VWC2L: variants seen among roughly 807,000 people sequenced by gnomAD.
VWC2L encodes the protein von Willebrand factor C domain-containing protein 2-like.
Under a neutral mutation model 21.6 loss-of-function variants are expected in VWC2L, and 10 were observed. The observed-to-expected ratio is 0.46, with a 90% CI of 0.29 to 0.78. VWC2L has a LOEUF of 0.78. Among genes scored for constraint, VWC2L ranks in the 30% least tolerant of loss-of-function variants. The pLI is 0.10. For synonymous variants in VWC2L, 96 were observed against 94.3 expected (o/e 1.02, Z -0.10); for missense variants, 209 against 277.1 (o/e 0.75, Z 1.74).
intron 3 of VWC2L, among the ~76,000 whole-genome samples, chr2:214,495,578 C>G (rs1352773047): frequency 1.3e-5 from 2 of 152,140 alleles, no homozygotes; most frequent in African/African-American, 4.8e-5. Flanking sequence ...TGACATCTTT[C>G]AGCAGATCCC....
chr2:214,575,112 G>T (rs1432036261), intron 3 of VWC2L, among the ~76,000 whole-genome samples: 1 of 149,010 alleles, frequency 6.7e-6, no homozygotes, highest in Non-Finnish European at 1.5e-5. Flanking sequence ...CTCTAACAAA[G>T]CTTGTTCAGG....
intron 3 of VWC2L, among the ~76,000 whole-genome samples, chr2:214,525,998 A>G (rs1256623637): frequency 6.6e-6 from 1 of 151,978 alleles, no homozygotes; most frequent in Admixed American, 6.6e-5. Flanking sequence ...ATATGTATAT[A>G]TGTTCTCAGC....
chr2:214,485,150 C>G (rs1688658078), intron 3 of VWC2L, among the ~76,000 whole-genome samples: 1 of 151,976 alleles, frequency 6.6e-6, no homozygotes, highest in Non-Finnish European at 1.5e-5. Context: ...AACCCCATCT[C>G]TACTAAAAAT....
chr2:214,459,607 A>C (rs747787127), intron 3 of VWC2L, among the ~76,000 whole-genome samples: 2 of 152,134 alleles, frequency 1.3e-5, no homozygotes, highest in Non-Finnish European at 2.9e-5. Flanking sequence ...TTTCACTACC[A>C]GGTGTAGGAC....
chr2:214,427,022 G>A (rs1702534543), intron 2 of VWC2L, among the ~76,000 whole-genome samples: 1 of 152,164 alleles, frequency 6.6e-6, no homozygotes, highest in Non-Finnish European at 1.5e-5. Context: ...TGAATGCAGT[G>A]AGGATTGGCC....
At chr2:214,541,853 T>A (rs570275259) in intron 3 of VWC2L, among the ~76,000 whole-genome samples, 2 of 152,222 alleles carry the variant, frequency 1.3e-5, no homozygotes, top group African/African-American at 4.8e-5. Flanking sequence ...CTAAAACATA[T>A]ATTCTAGGTG....
intron 3 of VWC2L, among the ~76,000 whole-genome samples, chr2:214,527,842 G>C (rs954867785): frequency 6.6e-6 from 1 of 152,028 alleles, no homozygotes; most frequent in African/African-American, 2.4e-5. Context: ...TGTATCCATG[G>C]CATAAATGAA....
chr2:214,482,477 G>A (rs1334519534), intron 3 of VWC2L, among the ~76,000 whole-genome samples: 4 of 150,324 alleles, frequency 2.7e-5, no homozygotes, highest in Non-Finnish European at 5.9e-5. Flanking sequence ...ACATATATAC[G>A]TGTATGTATG....
chr2:214,505,960 G>A (rs145918134), intron 3 of VWC2L, among the ~76,000 whole-genome samples: 16 of 152,194 alleles, frequency 1.1e-4, no homozygotes, highest in Admixed American at 5.9e-4. Flanking sequence ...AGGGGTAGCC[G>A]GGAGTGCTGG....
chr2:214,513,683 T>C (rs968285053), intron 3 of VWC2L, among the ~76,000 whole-genome samples: 1 of 152,112 alleles, frequency 6.6e-6, no homozygotes, highest in Non-Finnish European at 1.5e-5. Context: ...CAAAGCTTGC[T>C]ACAGATGGTT....
In VWC2L at chr2:214,519,430, A is replaced by T. The variant is rs1172496930; in HGVS notation, c.521-56242A>T. 1.3e-5 allele frequency among the ~76,000 whole-genome samples: 2 copies of T among 152,232 alleles called. 1 individual carries two copies. Among genetic ancestry groups the T allele is most frequent in the African/African-American group, 4.8e-5 (2 of 41,454 alleles). The stretch of plus-strand genomic sequence containing the variant: ...TGTCAATATAACGTAAATTGCAAAG[A>T]CAATAGGAACAAAGATAGTAGGTAC... On this transcript the variant is annotated intron_variant, in intron 3 of 3. Transcript: ENST00000312504.
At chr2:214,545,327 CTT>C (rs1053567933) in intron 3 of VWC2L, among the ~76,000 whole-genome samples, 21 of 152,302 alleles carry the variant, frequency 1.4e-4, no homozygotes, top group African/African-American at 4.8e-4. Flanking sequence ...TTTAAGTACT[CTT>C]TGCCAACACA....
intron 3 of VWC2L, among the ~76,000 whole-genome samples, chr2:214,550,784 C>A (rs1475969189): frequency 6.6e-6 from 1 of 152,184 alleles, no homozygotes; most frequent in Non-Finnish European, 1.5e-5. Context: ...TCATTTTGTT[C>A]AGTCCTTTAC....
At chr2:214,413,554 C>A (rs953709487) in intron 1 of VWC2L, among the ~76,000 whole-genome samples, 1 of 152,064 alleles carries the variant, frequency 6.6e-6, no homozygotes, top group African/African-American at 2.4e-5. Flanking sequence ...CTGATGTTGA[C>A]GCCATTGTTG....
At chr2:214,502,724 T>C (rs1289443133) in intron 3 of VWC2L, among the ~76,000 whole-genome samples, 1 of 152,246 alleles carries the variant, frequency 6.6e-6, no homozygotes, top group Non-Finnish European at 1.5e-5. Flanking sequence ...CTATTTTGTG[T>C]AACACCAGGT....
intron 3 of VWC2L, among the ~76,000 whole-genome samples, chr2:214,487,790 C>T (rs1369561301): frequency 6.6e-6 from 1 of 152,110 alleles, no homozygotes; most frequent in Non-Finnish European, 1.5e-5. Flanking sequence ...TTCACAGTAC[C>T]TTGTAGGTCA....
intron 3 of VWC2L, among the ~76,000 whole-genome samples, chr2:214,547,365 T>C (rs1200086838): frequency 6.6e-6 from 1 of 152,096 alleles, no homozygotes; most frequent in Admixed American, 6.6e-5. Flanking sequence ...AACATCTAGA[T>C]CTAGATTCCT....
chr2:214,438,338 A>G (rs1702712868), intron 3 of VWC2L, among the ~76,000 whole-genome samples: 1 of 151,996 alleles, frequency 6.6e-6, no homozygotes, highest in African/African-American at 2.4e-5. Flanking sequence ...AAACTCAACT[A>G]CCTAATCAAT....
Position 214,480,541 on chromosome 2 carries a change from T to C in VWC2L, c.520+43783T>C, listed in dbSNP as rs73989014. On this transcript the variant is annotated intron_variant, in intron 3 of 3. Coordinates refer to ENST00000312504, the MANE Select transcript of VWC2L (RefSeq NM_001080500.4). ...TTTAGAAATATCTATCTCTTGCACA[T>C]TCAAGAAATCTAGAATAAATCAGTC... 8.4e-3 allele frequency among the ~76,000 whole-genome samples: 1,275 copies of C among 152,254 alleles called. 22 individuals are homozygous for C. Among genetic ancestry groups the C allele is most frequent in the African/African-American group, 0.029 (1,199 of 41,542 alleles).
Sources: allele counts gnomAD v4.1 joint callset (sites outside exome capture counted in the v4.1 genomes callset), GRCh38; gene constraint gnomAD v4.1.1; transcripts MANE v1.5; gene names NCBI Gene and HGNC (gene_info 2026-07-23, HGNC 2026-07-21).